Variants in NPFFR1 observed in about 807,000 individuals in gnomAD.
NPFFR1 encodes the protein neuropeptide FF receptor 1.
NPFFR1 carries 17 observed loss-of-function variants against 12.7 expected under a neutral mutation model. That is an observed-to-expected ratio of 1.34 (90% CI 0.92 to 2.01). The LOEUF (loss-of-function observed/expected upper bound fraction) is 2.01, where lower values mean the gene tolerates loss of function less well. Among genes scored for constraint, NPFFR1 ranks in the 30% most tolerant of loss-of-function variants. The probability of loss-of-function intolerance (pLI) is 0.00; values close to 1 mark genes in which losing one functional copy is unlikely to be tolerated. For missense variants in NPFFR1, 604 were observed against 606.5 expected, an observed-to-expected ratio of 1.00 and a Z score of 0.04; for synonymous variants, 296 against 264.5, an observed-to-expected ratio of 1.12 and a Z score of -1.16.
chr10:70,272,244 G>GA (rs60571634), intron 1 of NPFFR1, among the ~76,000 whole-genome samples: 2,809 of 64,314 alleles, frequency 0.044, 97 homozygotes, highest in Middle Eastern at 0.065. Context: ...AAGAAAGAAA[G>GA]AAGAAAGAAG....
rs796285554 is a variant in NPFFR1, at chr10:70,283,997, G to A, written c.-321C>T. ...GTGAGGCGCAGTCGTCATGGCACCC[G>A]CGCACCTGTGCCCGCCGAGCGAGGG... On this transcript the variant is annotated 5_prime_UTR_variant, in exon 1 of 4. Coordinates refer to ENST00000277942, the MANE Select transcript of NPFFR1 (RefSeq NM_022146.5). 1.3e-3 allele frequency among the ~76,000 whole-genome samples: 191 copies of A among 152,198 alleles called. 1 individual carries two copies. Among genetic ancestry groups the A allele is most frequent in the African/African-American group, 4.5e-3 (186 of 41,558 alleles).
intron 1 of NPFFR1, among the ~76,000 whole-genome samples, chr10:70,272,357 T>A (rs1840759899): frequency 6.6e-6 from 1 of 152,228 alleles, no homozygotes. Flanking sequence ...GATGGCTTCA[T>A]CCTTGTTACC....
intron 1 of NPFFR1, 77 bp downstream of exon 1, chr10:70,283,593 C>T: frequency 7.9e-6 from 11 of 1,386,808 alleles, no homozygotes; most frequent in Non-Finnish European, 9.9e-6. Flanking sequence ...CTGCCCGGCC[C>T]TCTCCTCTCC....
chr10:70,262,784 C>T (rs537955483), intron 2 of NPFFR1, among the ~76,000 whole-genome samples: 94 of 152,194 alleles, frequency 6.2e-4, no homozygotes, highest in South Asian at 2.3e-3. Flanking sequence ...TGTTAGTATA[C>T]GTATATTTCC....
chr10:70,252,284 A>T lies in NPFFR1; in HGVS notation c.*2673T>A, dbSNP rs572861358. ...AAGTGAAAGAAGCCAGTCAAAAAGG[A>T]TAGTATTGTATGATTCCTCTTGTAT... On this transcript the variant is annotated 3_prime_UTR_variant, in exon 4 of 4. Transcript: ENST00000277942. 6.6e-6 allele frequency: 1 copy of T among 152,336 alleles called. No homozygotes were observed. Among genetic ancestry groups the T allele is most frequent in the African/African-American group, 2.4e-5 (1 of 41,576 alleles). 9.4% of individuals were successfully genotyped at this position (152,336 alleles called of 1,614,324 possible).
intron 1 of NPFFR1, among the ~76,000 whole-genome samples, chr10:70,279,108 C>T (rs1226983605): frequency 6.6e-6 from 1 of 152,040 alleles, no homozygotes; most frequent in Admixed American, 6.6e-5. Flanking sequence ...GTGGTGAAAA[C>T]ATCTGAAATT....
chr10:70,258,097 A>C (rs577337356), intron 3 of NPFFR1, among the ~76,000 whole-genome samples: 7 of 152,296 alleles, frequency 4.6e-5, no homozygotes, highest in African/African-American at 1.4e-4. Flanking sequence ...TATGCAGAGC[A>C]CCGGTCACCT....
intron 1 of NPFFR1, among the ~76,000 whole-genome samples, chr10:70,277,600 TACATGGC>T (rs1243458661): frequency 6.6e-6 from 1 of 152,204 alleles, no homozygotes; most frequent in African/African-American, 2.4e-5. Flanking sequence ...CCCCCTTCCG[TACATGGC>T]CACTTCCCCA....
rs758204409 is a variant in NPFFR1, at chr10:70,266,358, G to C, written c.41C>G (p.Pro14Arg). ...AGTGTTAGTCCCATTCTGACTTAGG[G>C]GCCAACTGCTGTTGGGAGGCTGGGA... ...EPSQPPNSSW[P>R]LSQNGTNTEA... is the part of the protein sequence containing the mutation. The change falls in exon 2 of 4, where the codon CCC becomes CGC. Residue 14 changes from proline (P) to arginine (R), a missense_variant. By Grantham distance (103) the Pro-to-Arg change is moderately radical. Coordinates refer to ENST00000277942, the MANE Select transcript of NPFFR1 (RefSeq NM_022146.5). 4.3e-6 allele frequency: 7 copies of C among 1,613,420 alleles called. No individual in the cohort carries two copies. Among genetic ancestry groups the C allele is most frequent in the Non-Finnish European group, 5.9e-6 (7 of 1,179,740 alleles).
rs1400544547 is a variant in NPFFR1 at position 70,280,187 on chromosome 10, C to T, written c.7+3483G>A. Among the ~76,000 whole-genome samples, 13 of 152,246 alleles carry T rather than the reference C, an allele frequency of 8.5e-5. No individual in the cohort carries two copies. The East Asian group carries it at 2.1e-3, about 25-fold the overall frequency. On this transcript the variant is annotated intron_variant, in intron 1 of 3. Transcript: ENST00000277942. ...ATTGTGGATAGCGCTGCAATAAACA[C>T]GGTGGTGCAAACATCTCTTCAAGTA...
chr10:70,266,413 G>C (rs1840691847), intron 1 of NPFFR1, 22 bp from the exon 2 acceptor site: 1 of 1,579,664 alleles, frequency 6.3e-7, no homozygotes, highest in Non-Finnish European at 8.6e-7. Context: ...GGAATATATT[G>C]GTCAGGACCT....
Position 70,281,148 on chromosome 10 carries a change from G to A in NPFFR1, c.7+2522C>T, listed in dbSNP as rs191477695. Among the ~76,000 whole-genome samples the A allele has an allele frequency of 3.7e-3, 565 of 152,298 alleles. 1 individual carries two copies. Among genetic ancestry groups the A allele is most frequent in the Non-Finnish European group, 5.6e-3 (382 of 68,036 alleles). ...CATTGGCCCAAAGATTTCAGCTGGG[G>A]TGAATGGTTCCTCAAATTTTTAGCA... On this transcript the variant is annotated intron_variant, in intron 1 of 3. Coordinates refer to ENST00000277942, the MANE Select transcript of NPFFR1 (RefSeq NM_022146.5).
chr10:70,283,049 T>C (rs1222786256), intron 1 of NPFFR1, among the ~76,000 whole-genome samples: 1 of 152,194 alleles, frequency 6.6e-6, no homozygotes, highest in Admixed American at 6.5e-5. Context: ...ATAGCCAAGC[T>C]GTCCTCACCT....
In NPFFR1 at chr10:70,248,697, G is replaced by A. The variant is rs1305596127; in HGVS notation, c.*6260C>T. On this transcript the variant is annotated 3_prime_UTR_variant, in exon 4 of 4. Coordinates refer to ENST00000277942, the MANE Select transcript of NPFFR1 (RefSeq NM_022146.5). Reference sequence around the variant, plus strand: ...GATGGGGTTTCACCATGTTAGCCAGGCTGGTCTCGAACTCCTGACCTCAAG... The same window carrying A: ...GATGGGGTTTCACCATGTTAGCCAGACTGGTCTCGAACTCCTGACCTCAAG... 2 of 151,604 alleles carry A rather than the reference G, an allele frequency of 1.3e-5. No individual in the cohort carries two copies. The highest frequency in any genetic ancestry group is 4.9e-5 in the African/African-American group (2 of 41,222). The allele number at this position is 151,604 out of a possible 1,614,324, so 9.4% of individuals were successfully genotyped here.
At chr10:70,277,829 A>G (rs1840819568) in intron 1 of NPFFR1, 1 of 458,400 alleles carries the variant, frequency 2.2e-6, no homozygotes, top group Admixed American at 2.3e-5. Context: ...GCATAACATC[A>G]CAGTTAAGGC....
intron 1 of NPFFR1, among the ~76,000 whole-genome samples, chr10:70,273,482 A>T (rs997529651): frequency 6.6e-6 from 1 of 152,216 alleles, no homozygotes; most frequent in Non-Finnish European, 1.5e-5. Context: ...CTCCAAAAGC[A>T]TTGGATCCGC....
intron 3 of NPFFR1, among the ~76,000 whole-genome samples, chr10:70,257,419 A>G (rs1840583123): frequency 6.6e-6 from 1 of 152,262 alleles, no homozygotes; most frequent in Non-Finnish European, 1.5e-5. Flanking sequence ...AGGGCTGTGC[A>G]GGACATGCCT....
chr10:70,269,191 C>T (rs557148456), intron 1 of NPFFR1, among the ~76,000 whole-genome samples: 3 of 152,236 alleles, frequency 2.0e-5, no homozygotes, highest in Admixed American at 6.5e-5. Context: ...TGTCCAGTGG[C>T]CTTTCTCTTT....
In NPFFR1 at chr10:70,283,750, G is replaced by A. The variant is rs1840886489; in HGVS notation, c.-74C>T. ...GGGCCCCTTCGGGCCAGCGGGCAGAGGGACGGTCTCCGGGCACTTGGTTGC... is the reference window on the plus strand; with the variant it reads ...GGGCCCCTTCGGGCCAGCGGGCAGAAGGACGGTCTCCGGGCACTTGGTTGC... On this transcript the variant is annotated 5_prime_UTR_variant, in exon 1 of 4. Coordinates refer to ENST00000277942, the MANE Select transcript of NPFFR1 (RefSeq NM_022146.5). 6 of 1,499,828 alleles carry A rather than the reference G, an allele frequency of 4.0e-6. No individual in the cohort carries two copies. In the South Asian group the frequency reaches 6.0e-5, roughly 15 times the overall value. 92.9% of individuals were successfully genotyped at this position (1,499,828 alleles called of 1,614,324 possible).
Sources: allele counts gnomAD v4.1 joint callset (sites outside exome capture counted in the v4.1 genomes callset), GRCh38; gene constraint gnomAD v4.1.1; transcripts MANE v1.5; gene names NCBI Gene and HGNC (gene_info 2026-07-23, HGNC 2026-07-21).